Variants in PITPNC1 observed in about 807,000 individuals in gnomAD.
PITPNC1 encodes phosphatidylinositol transfer protein cytoplasmic 1.
PITPNC1 carries 18 observed loss-of-function variants against 44.7 expected under a neutral mutation model. The ratio of observed to expected loss-of-function variants is 0.40; its 90% CI spans 0.28 to 0.60. PITPNC1 has a LOEUF of 0.60. PITPNC1 is among the 20% of genes least tolerant of loss of function. The pLI is 0.39. For synonymous variants in PITPNC1, 141 were observed against 149.6 expected, an observed-to-expected ratio of 0.94 and a Z score of 0.42; for missense variants, 290 against 418.4, an observed-to-expected ratio of 0.69 and a Z score of 2.68.
At chr17:67,538,931 T>A (rs71382135) in intron 2 of PITPNC1, among the ~76,000 whole-genome samples, 4,384 of 143,876 alleles carry the variant, frequency 0.03, 89 homozygotes, top group Middle Eastern at 0.06. Context: ...GTATTTAATT[T>A]AAAAAAAAAA....
chr17:67,614,389 G>T (rs2041730391), intron 5 of PITPNC1, among the ~76,000 whole-genome samples: 2 of 152,050 alleles, frequency 1.3e-5, no homozygotes, highest in South Asian at 4.2e-4. Context: ...TAAAAAAATT[G>T]GCCAGGCACG....
chr17:67,407,938 C>A (rs145594752), intron 1 of PITPNC1, among the ~76,000 whole-genome samples: 279 of 152,172 alleles, frequency 1.8e-3, no homozygotes, highest in East Asian at 0.011. Context: ...TTGTGAACCA[C>A]AAAAGGATCA....
intron 8 of PITPNC1, among the ~76,000 whole-genome samples, chr17:67,689,414 C>G (rs1485419385): frequency 6.6e-6 from 1 of 152,080 alleles, no homozygotes; most frequent in Non-Finnish European, 1.5e-5. Flanking sequence ...ATTTTGAATG[C>G]TTATGACATT....
At chr17:67,412,546 C>T (rs1209907022) in intron 1 of PITPNC1, among the ~76,000 whole-genome samples, 1 of 152,146 alleles carries the variant, frequency 6.6e-6, no homozygotes, top group African/African-American at 2.4e-5. Context: ...GCTGTTTCAT[C>T]TTCTTACATA....
intron 4 of PITPNC1, among the ~76,000 whole-genome samples, chr17:67,571,675 C>T (rs1027269433): frequency 6.6e-6 from 1 of 152,238 alleles, no homozygotes; most frequent in African/African-American, 2.4e-5. Context: ...CTAGCTGGTT[C>T]TTCTCCGGCT....
chr17:67,586,000 T>C (rs1028438801), intron 5 of PITPNC1, among the ~76,000 whole-genome samples: 2 of 152,180 alleles, frequency 1.3e-5, no homozygotes, highest in Non-Finnish European at 2.9e-5. Flanking sequence ...TGTTCTGTTA[T>C]GGCTGACCCC....
intron 6 of PITPNC1, among the ~76,000 whole-genome samples, chr17:67,637,118 C>T (rs185141467): frequency 7.9e-5 from 12 of 152,346 alleles, no homozygotes; most frequent in East Asian, 3.9e-4. Context: ...CTTTCCCAGC[C>T]GCTGCCACAG....
At chr17:67,468,848 C>A (rs1268461364) in intron 1 of PITPNC1, among the ~76,000 whole-genome samples, 2 of 152,178 alleles carry the variant, frequency 1.3e-5, no homozygotes, top group African/African-American at 4.8e-5. Context: ...CCTGCCTCAG[C>A]CTCCCAAGTA....
intron 1 of PITPNC1, among the ~76,000 whole-genome samples, chr17:67,522,055 G>A (rs2040331879): frequency 6.6e-6 from 1 of 152,124 alleles, no homozygotes; most frequent in Admixed American, 6.6e-5. Flanking sequence ...TGTAATCCCA[G>A]TACTTTGGAA....
intron 1 of PITPNC1, among the ~76,000 whole-genome samples, chr17:67,413,710 A>G (rs1278927323): frequency 6.6e-6 from 1 of 152,158 alleles, no homozygotes; most frequent in African/African-American, 2.4e-5. Flanking sequence ...AATTGAACAC[A>G]CTTGCTGGCT....
chr17:67,494,188 T>C (rs990575447), intron 1 of PITPNC1, among the ~76,000 whole-genome samples: 8 of 143,082 alleles, frequency 5.6e-5, no homozygotes, highest in African/African-American at 1.9e-4. Context: ...TCTTTCTTTT[T>C]CTTTCTTTCT....
intron 1 of PITPNC1, among the ~76,000 whole-genome samples, chr17:67,463,899 A>C (rs760819195): frequency 3.3e-5 from 5 of 151,582 alleles, no homozygotes; most frequent in Non-Finnish European, 5.9e-5. Flanking sequence ...ATTTCAAAAA[A>C]GAAAAAAAAA....
intron 6 of PITPNC1, among the ~76,000 whole-genome samples, chr17:67,637,388 T>A (rs900415096): frequency 6.6e-6 from 1 of 152,094 alleles, no homozygotes; most frequent in Non-Finnish European, 1.5e-5. Flanking sequence ...ACGCTCTTTA[T>A]GTGAGGAAGC....
chr17:67,420,727 C>T (rs189132063), intron 1 of PITPNC1, among the ~76,000 whole-genome samples: 188 of 152,176 alleles, frequency 1.2e-3, no homozygotes, highest in African/African-American at 4.3e-3. Flanking sequence ...CCACTGCGCC[C>T]GGCCTCACTT....
chr17:67,483,097 G>A (rs1396110134), intron 1 of PITPNC1, among the ~76,000 whole-genome samples: 1 of 152,170 alleles, frequency 6.6e-6, no homozygotes, highest in African/African-American at 2.4e-5. Context: ...GATGAATTTA[G>A]CCTGGGATGA....
At chr17:67,486,902 G>T (rs1256242594) in intron 1 of PITPNC1, among the ~76,000 whole-genome samples, 1 of 151,944 alleles carries the variant, frequency 6.6e-6, no homozygotes, top group Admixed American at 6.6e-5. Flanking sequence ...GCGTGGTGGT[G>T]CATGTCTGTA....
intron 5 of PITPNC1, among the ~76,000 whole-genome samples, chr17:67,586,274 T>G (rs1288111032): frequency 6.6e-6 from 1 of 152,066 alleles, no homozygotes; most frequent in Non-Finnish European, 1.5e-5. Context: ...TAAAATTTTT[T>G]ATTTGGGGAT....
intron 7 of PITPNC1, among the ~76,000 whole-genome samples, chr17:67,673,735 G>T (rs2042550721): frequency 6.6e-6 from 1 of 152,096 alleles, no homozygotes; most frequent in African/African-American, 2.4e-5. Flanking sequence ...CAGATCACAA[G>T]ATCAGGGGTT....
At chr17:67,659,358 G>A (rs561663480) in intron 6 of PITPNC1, among the ~76,000 whole-genome samples, 8 of 152,270 alleles carry the variant, frequency 5.3e-5, no homozygotes, top group East Asian at 3.9e-4. Context: ...TTCACTCAAC[G>A]TGGTCTCAGC....
Sources: allele counts gnomAD v4.1 joint callset (sites outside exome capture counted in the v4.1 genomes callset), GRCh38; gene constraint gnomAD v4.1.1; transcripts MANE v1.5; gene names NCBI Gene and HGNC (gene_info 2026-07-23, HGNC 2026-07-21).